TRIO: variants seen among roughly 807,000 people sequenced by gnomAD.
TRIO encodes the protein triple functional domain protein.
TRIO carries 58 observed loss-of-function variants against 351.9 expected under a neutral mutation model. The observed-to-expected ratio is 0.16, with a 90% CI of 0.13 to 0.21. The LOEUF (loss-of-function observed/expected upper bound fraction) is 0.21, where lower values mean the gene tolerates loss of function less well. TRIO is among the 10% of genes least tolerant of loss of function. TRIO has a pLI of 1.00. For synonymous variants in TRIO, 1,758 were observed against 1,595.7 expected (o/e 1.10, Z -2.42); for missense variants, 3,201 against 4,027.8 (o/e 0.79, Z 5.56).
chr5:14,342,911 C>T (rs1337843891), intron 11 of TRIO, among the ~76,000 whole-genome samples: 1 of 152,194 alleles, frequency 6.6e-6, no homozygotes, highest in Non-Finnish European at 1.5e-5. Flanking sequence ...CCTCAACTTA[C>T]ATGTGTGATG....
At position 14,502,595 on chromosome 5, in the gene TRIO, G is replaced by A. The variant is rs748490451; in HGVS notation, c.8349G>A (p.Gly2783=). 4 of 1,614,070 alleles carry A rather than the reference G, an allele frequency of 2.5e-6. No individual in the cohort carries two copies. The highest frequency in any genetic ancestry group is 3.3e-5 in the Admixed American group (2 of 60,010). ...SLRVLGPGMD[G]IMVTWKDNFD... is the part of the protein sequence containing the mutation. ...TTCTTGCAGGTCCAGGGATGGATGG[G>A]ATCATGGTGACCTGGAAAGACAACT... Residue 2783 remains glycine, a synonymous_variant, in exon 54 of 57, where the codon GGG becomes GGA. Transcript: ENST00000344204.
At chr5:14,353,004 A>G (rs184961392) in intron 11 of TRIO, among the ~76,000 whole-genome samples, 1 of 152,288 alleles carries the variant, frequency 6.6e-6, no homozygotes, top group Admixed American at 6.5e-5. Flanking sequence ...GACTAATTCT[A>G]GCACGTTTTC....
At chr5:14,270,927 A>G (rs370149719) in intron 2 of TRIO, 28 bp downstream of exon 2, 4 of 1,524,300 alleles carry the variant, frequency 2.6e-6, no homozygotes, top group East Asian at 2.3e-5. Context: ...ACTCTGCTCT[A>G]TCCAACTGCT....
At chr5:14,488,890 G>T in intron 48 of TRIO, 1 of 747,264 alleles carries the variant, frequency 1.3e-6, no homozygotes, top group South Asian at 1.4e-5. Flanking sequence ...GTGCAGGCTG[G>T]GGCCGGTCCC....
chr5:14,493,037 T>A (rs1351560755), intron 49 of TRIO, among the ~76,000 whole-genome samples: 1 of 152,248 alleles, frequency 6.6e-6, no homozygotes, highest in Non-Finnish European at 1.5e-5. Flanking sequence ...AATAGTCTGT[T>A]CTAGCACATT....
At position 14,324,226 on chromosome 5, in the gene TRIO, A is replaced by C. The variant is rs1194528784; in HGVS notation, c.1732-6552A>C. ...CTGGAAAAAAAATCTGACTTTGTATAAAAAAGAACAAATTCAGAGTATTTT... is the reference window on the plus strand; with the variant it reads ...CTGGAAAAAAAATCTGACTTTGTATCAAAAAGAACAAATTCAGAGTATTTT... On this transcript the variant is annotated intron_variant, in intron 9 of 56. Coordinates refer to ENST00000344204, the MANE Select transcript of TRIO (RefSeq NM_007118.4). 2.6e-5 allele frequency among the ~76,000 whole-genome samples: 4 copies of C among 152,220 alleles called. No individual in the cohort carries two copies. In the East Asian group the frequency reaches 7.7e-4, roughly 29 times the overall value.
Position 14,374,202 on chromosome 5 carries a change from A to C in TRIO, c.3217-27A>C, listed in dbSNP as rs566423081. ...ACACGTTTGTAGAAGTCAAATTAGCAACACATTGCTCTCCATTGTTTTTTA... is the reference window on the plus strand; with the variant it reads ...ACACGTTTGTAGAAGTCAAATTAGCCACACATTGCTCTCCATTGTTTTTTA... On this transcript the variant is annotated intron_variant, in intron 18 of 56. Transcript: ENST00000344204. 3 of 1,592,472 alleles carry C rather than the reference A, an allele frequency of 1.9e-6. No homozygotes were observed. In the East Asian group the frequency reaches 6.7e-5, roughly 36 times the overall value.
In TRIO at chr5:14,485,136, C is replaced by G. The variant is rs55916212; in HGVS notation, c.6725C>G (p.Thr2242Arg). 1 of 1,589,036 alleles carries G rather than the reference C, an allele frequency of 6.3e-7. No individual in the cohort carries two copies. The highest frequency in any genetic ancestry group is 1.1e-5 in the South Asian group (1 of 89,088). The change falls in exon 47 of 57, where the codon ACG becomes AGG. Residue 2242 changes from threonine (T) to arginine (R), a missense_variant. By Grantham distance (71) the Thr-to-Arg change is moderately conservative. Transcript: ENST00000344204. ...DPCKFALTSR[T>R]GDVVETFILH... is the part of the protein sequence containing the mutation. ...TGTAAATTTGCTCTGACATCGAGGA[C>G]GGGTGACGTGGTAGAGACCTTCATT...
intron 34 of TRIO, among the ~76,000 whole-genome samples, chr5:14,438,039 C>T (rs967244808): frequency 6.6e-6 from 1 of 152,142 alleles, no homozygotes; most frequent in Non-Finnish European, 1.5e-5. Flanking sequence ...AATTGTGTGT[C>T]CAGCCATCAA....
intron 1 of TRIO, among the ~76,000 whole-genome samples, chr5:14,233,651 C>T (rs1214710379): frequency 2.6e-5 from 4 of 152,122 alleles, no homozygotes; most frequent in Admixed American, 2.6e-4. Flanking sequence ...GATCCTCCTG[C>T]CTCAGCCTCC....
At chr5:14,151,051 A>C (rs1187375036) in intron 1 of TRIO, among the ~76,000 whole-genome samples, 3 of 152,212 alleles carry the variant, frequency 2.0e-5, no homozygotes, top group Non-Finnish European at 2.9e-5. Context: ...CAAGTGGCCC[A>C]TGCAGGATGA....
chr5:14,177,977 A>G (rs1389434113), intron 1 of TRIO, among the ~76,000 whole-genome samples: 1 of 152,078 alleles, frequency 6.6e-6, no homozygotes, highest in Admixed American at 6.5e-5. Flanking sequence ...TGATTATTTT[A>G]TATTTATTCA....
intron 55 of TRIO, among the ~76,000 whole-genome samples, chr5:14,506,354 A>G (rs935168843): frequency 6.6e-5 from 10 of 152,190 alleles, no homozygotes; most frequent in Non-Finnish European, 1.5e-4. Flanking sequence ...CAGGCAGCTG[A>G]TCTTCCTACA....
intron 46 of TRIO, among the ~76,000 whole-genome samples, chr5:14,484,637 A>G (rs1021500476): frequency 6.6e-6 from 1 of 152,176 alleles, no homozygotes; most frequent in Non-Finnish European, 1.5e-5. Context: ...TAAATGTTCC[A>G]TCTTTAATTA....
chr5:14,245,312 C>A (rs565440799), intron 1 of TRIO, among the ~76,000 whole-genome samples: 2 of 152,276 alleles, frequency 1.3e-5, no homozygotes, highest in South Asian at 4.1e-4. Flanking sequence ...ACTGAAGTTT[C>A]TTATTTCAAC....
intron 31 of TRIO, among the ~76,000 whole-genome samples, chr5:14,401,339 A>G (rs928271098): frequency 1.3e-5 from 2 of 152,208 alleles, no homozygotes; most frequent in African/African-American, 4.8e-5. Context: ...CAGTCTTTGA[A>G]TTCATTGACT....
chr5:14,256,946 C>T (rs571417962), intron 1 of TRIO, among the ~76,000 whole-genome samples: 5 of 152,328 alleles, frequency 3.3e-5, no homozygotes, highest in South Asian at 4.1e-4. Context: ...GGGTGTGGCA[C>T]CAAGGGCAGT....
chr5:14,264,900 C>G (rs1027489267), intron 1 of TRIO, among the ~76,000 whole-genome samples: 1 of 152,164 alleles, frequency 6.6e-6, no homozygotes, highest in Non-Finnish European at 1.5e-5. Context: ...CAGGCGTGCG[C>G]GCGCGAAGTT....
chr5:14,451,241 G>A (rs1752828017), intron 34 of TRIO, among the ~76,000 whole-genome samples: 1 of 152,048 alleles, frequency 6.6e-6, no homozygotes, highest in African/African-American at 2.4e-5. Flanking sequence ...GTCCCTGGAA[G>A]TTGCATCCAG....
Sources: gnomAD v4.1 joint callset for allele counts (sites outside exome capture counted in the v4.1 genomes callset) on GRCh38, gnomAD v4.1.1 for gene constraint, MANE v1.5 for transcripts, NCBI Gene and HGNC (gene_info 2026-07-23, HGNC 2026-07-21) for gene names.